The following CHMP5 variants were observed in gnomAD, a reference collection of about 807,000 sequenced individuals.
CHMP5 encodes SNF7 domain containing 2.
In CHMP5, 17 loss-of-function variants were observed where a neutral mutation model predicts 33.0. That is an observed-to-expected ratio of 0.52 (90% CI 0.35 to 0.77). The LOEUF is 0.77. Among genes scored for constraint, CHMP5 ranks in the 30% least tolerant of loss-of-function variants. The pLI, the probability that CHMP5 is intolerant of heterozygous loss-of-function variation, is 0.01. For missense variants in CHMP5, 216 were observed against 261.5 expected (o/e 0.83, Z 1.20); for synonymous variants, 76 against 90.2 (o/e 0.84, Z 0.89).
At chr9:33,266,164 A>G (rs1055015679) in intron 2 of CHMP5, 50 bp downstream of exon 2, 2 of 1,277,128 alleles carry the variant, frequency 1.6e-6, no homozygotes, top group Non-Finnish European at 2.3e-6. Context: ...GCCTAGTTTT[A>G]GCACCTATAG....
chr9:33,280,752 T>C, intron 7 of CHMP5, 57 bp from the exon 8 acceptor site: 6 of 586,914 alleles, frequency 1.0e-5, no homozygotes, highest in Non-Finnish European at 1.5e-5. Context: ...TTTGTAATCC[T>C]TTTTTTTTTT....
intron 7 of CHMP5, 56 bp from the exon 8 acceptor site, chr9:33,280,753 T>G (rs776687504): frequency 2.9e-6 from 4 of 1,384,966 alleles, no homozygotes; most frequent in Non-Finnish European, 4.0e-6. Flanking sequence ...TTGTAATCCT[T>G]TTTTTTTTTA....
rs1197970 is a variant in CHMP5, at chr9:33,276,362, G to T, written c.388-94G>T. On this transcript the variant is annotated intron_variant, in intron 5 of 7. Transcript: ENST00000223500. ...TATATACATTATCTTTTTAAAAATT[G>T]CTCATGTCTAGATTCAAAGGAGAAT... 4.1e-3 allele frequency: 2,705 copies of T among 663,080 alleles called. 52 individuals carry two copies. In the African/African-American group the frequency reaches 0.043, roughly 11 times the overall value. The allele number at this position is 663,080 out of a possible 1,614,324, so 41.1% of individuals were successfully genotyped here. A position where few individuals can be genotyped will look rare whatever the true frequency, so the allele number is the denominator to read the frequency against.
At chr9:33,274,023 A>T (rs1344500048) in intron 5 of CHMP5, among the ~76,000 whole-genome samples, 1 of 152,140 alleles carries the variant, frequency 6.6e-6, no homozygotes, top group South Asian at 2.1e-4. Context: ...AAGTTTAAAA[A>T]AAAAATTTCC....
chr9:33,268,584 C>T (rs1285342214), intron 3 of CHMP5, among the ~76,000 whole-genome samples: 1 of 152,162 alleles, frequency 6.6e-6, no homozygotes, highest in Admixed American at 6.5e-5. Flanking sequence ...ATACCAGATG[C>T]CATCTTCCTC....
At chr9:33,272,533 G>A (rs1307596657) in intron 5 of CHMP5, among the ~76,000 whole-genome samples, 1 of 152,120 alleles carries the variant, frequency 6.6e-6, no homozygotes, top group Non-Finnish European at 1.5e-5. Flanking sequence ...GGCTGGGCAT[G>A]GTGGCTCACT....
chr9:33,272,076 T>C (rs1041329330), intron 5 of CHMP5, among the ~76,000 whole-genome samples: 3 of 152,188 alleles, frequency 2.0e-5, no homozygotes, highest in South Asian at 4.1e-4. Context: ...GCATTTCTTA[T>C]TGGAATTGGG....
intron 6 of CHMP5, among the ~76,000 whole-genome samples, chr9:33,277,017 G>A (rs139126711): frequency 2.1e-4 from 32 of 151,832 alleles, no homozygotes; most frequent in African/African-American, 2.9e-4. Flanking sequence ...GCAATATGGC[G>A]TCACCCCGTC....
chr9:33,278,911 T>A lies in CHMP5; in HGVS notation c.609+686T>A, dbSNP rs142092857. ...AAAGGACTGTGCAAACTTAAAGCTC[T>A]GTCCAAATCTACATGATTGTCTTTT... On this transcript the variant is annotated intron_variant, in intron 7 of 7. Transcript: ENST00000223500. Among the ~76,000 whole-genome samples, 978 of 152,288 alleles carry A rather than the reference T, an allele frequency of 6.4e-3. 6 individuals carry two copies. The highest frequency in any genetic ancestry group is 8.5e-3 in the Non-Finnish European group (579 of 68,018).
At chr9:33,267,779 G>A in intron 2 of CHMP5, 74 bp from the exon 3 acceptor site, 1 of 949,090 alleles carries the variant, frequency 1.1e-6, no homozygotes, top group Non-Finnish European at 1.7e-6. Context: ...ATGTGAGTTT[G>A]AGGCTATGGG....
intron 3 of CHMP5, among the ~76,000 whole-genome samples, chr9:33,270,265 G>A (rs1172399184): frequency 3.3e-5 from 5 of 152,144 alleles, no homozygotes; most frequent in African/African-American, 1.2e-4. Context: ...CAAGCAGTAG[G>A]CTATATCATA....
rs1820918525 is a variant in CHMP5, at chr9:33,281,163, C to A, written c.*304C>A. 2 of 285,718 alleles carry A rather than the reference C, an allele frequency of 7.0e-6. No individual in the cohort carries two copies. Among genetic ancestry groups the A allele is most frequent in the African/African-American group, 2.2e-5 (1 of 45,184 alleles). 17.7% of individuals were successfully genotyped at this position (285,718 alleles called of 1,614,324 possible). A position where few individuals can be genotyped will look rare whatever the true frequency, so the allele number is the denominator to read the frequency against. Reference sequence around the variant, plus strand: ...TGAAATAAAACTAAGGAAATGGAATCTTAAAAGTCTATGACAGTGTAACTC... The same window carrying A: ...TGAAATAAAACTAAGGAAATGGAATATTAAAAGTCTATGACAGTGTAACTC... On this transcript the variant is annotated 3_prime_UTR_variant, in exon 8 of 8. Transcript: ENST00000223500.
intron 1 of CHMP5, 122 bp downstream of exon 1, chr9:33,265,269 C>G (rs936857996): frequency 1.9e-4 from 165 of 866,828 alleles, no homozygotes; most frequent in Middle Eastern, 5.7e-4. Context: ...TACACGTCGT[C>G]CCTCTCTATC....
intron 3 of CHMP5, among the ~76,000 whole-genome samples, chr9:33,269,740 C>T (rs762616827): frequency 2.6e-5 from 4 of 152,044 alleles, no homozygotes; most frequent in Middle Eastern, 3.2e-3. Flanking sequence ...TTTGGGAGGC[C>T]GAGGTGGGCG....
Position 33,265,076 on chromosome 9 carries a change from A to G in CHMP5, c.-3A>G. The stretch of plus-strand genomic sequence containing the variant: ...TGTTTGGGTTTCTTCGCGGCTGCTC[A>G]AGATGAACCGACTCTTCGGGAAAGC... On this transcript the variant is annotated 5_prime_UTR_variant, in exon 1 of 8. Coordinates refer to ENST00000223500, the MANE Select transcript of CHMP5 (RefSeq NM_016410.6). 6.2e-7 allele frequency: 1 copy of G among 1,614,220 alleles called. No homozygotes were observed. Among genetic ancestry groups the G allele is most frequent in the Non-Finnish European group, 8.5e-7 (1 of 1,180,020 alleles).
intron 7 of CHMP5, among the ~76,000 whole-genome samples, chr9:33,279,142 C>T (rs1820890197): frequency 6.6e-6 from 1 of 152,192 alleles, no homozygotes; most frequent in Non-Finnish European, 1.5e-5. Context: ...CCAGACTGGT[C>T]TCAAACTCCT....
chr9:33,279,245 A>G (rs932741004), intron 7 of CHMP5, among the ~76,000 whole-genome samples: 1 of 152,136 alleles, frequency 6.6e-6, no homozygotes, highest in African/African-American at 2.4e-5. Flanking sequence ...GCAAGGTGTG[A>G]CTTTGAGCAA....
chr9:33,265,056 G>A lies in CHMP5; in HGVS notation c.-23G>A. The A allele has an allele frequency of 6.2e-7, 1 of 1,614,090 alleles. No homozygotes were observed. Among genetic ancestry groups the A allele is most frequent in the Non-Finnish European group, 8.5e-7 (1 of 1,179,908 alleles). ...CGTTTCTGGTTTTGCTCTAGTGTTT[G>A]GGTTTCTTCGCGGCTGCTCAAGATG... On this transcript the variant is annotated 5_prime_UTR_variant, in exon 1 of 8. Transcript: ENST00000223500.
rs1410309562 is a variant in CHMP5, at chr9:33,267,941, A to G, written c.221+42A>G. 7 of 1,371,724 alleles carry G rather than the reference A, an allele frequency of 5.1e-6. No homozygotes were observed. In the African/African-American group the frequency reaches 5.7e-5, roughly 11 times the overall value. 85.0% of individuals were successfully genotyped at this position (1,371,724 alleles called of 1,614,324 possible). The stretch of plus-strand genomic sequence containing the variant: ...ATTTCTACCTCTAGCAGGTTTAACT[A>G]AAAGAGAAATGGTCTTCCATTCCTT... On this transcript the variant is annotated intron_variant, in intron 3 of 7. Transcript: ENST00000223500.
Sources: gnomAD v4.1 joint callset for allele counts (sites outside exome capture counted in the v4.1 genomes callset) on GRCh38, gnomAD v4.1.1 for gene constraint, MANE v1.5 for transcripts, NCBI Gene and HGNC (gene_info 2026-07-23, HGNC 2026-07-21) for gene names.